The following MEMO1 variants were observed in gnomAD, a reference collection of about 807,000 sequenced individuals.
MEMO1 encodes mediator of cell motility 1, also known as protein MEMO1.
Under a neutral mutation model 45.2 loss-of-function variants are expected in MEMO1, and 6 were observed. The ratio of observed to expected loss-of-function variants is 0.13; its 90% CI spans 0.07 to 0.26. The LOEUF is 0.26. Ranked by LOEUF, MEMO1 falls within the 10% of genes least tolerant of loss-of-function variation. The pLI, the probability that MEMO1 is intolerant of heterozygous loss-of-function variation, is 1.00. For missense variants in MEMO1, 184 were observed against 370.5 expected (o/e 0.50, Z 4.13); for synonymous variants, 78 against 124.3 (o/e 0.63, Z 2.48).
chr2:31,919,475 G>C (rs1452825254), intron 5 of MEMO1, among the ~76,000 whole-genome samples: 1 of 151,912 alleles, frequency 6.6e-6, no homozygotes, highest in African/African-American at 2.4e-5. Context: ...TTCTATACAA[G>C]AAATTTCTGC....
chr2:31,982,718 T>C (rs138700058), intron 2 of MEMO1, among the ~76,000 whole-genome samples: 18 of 152,176 alleles, frequency 1.2e-4, no homozygotes, highest in African/African-American at 3.4e-4. Flanking sequence ...ACTTATACTC[T>C]AGCTGGTAAA....
At chr2:32,003,592 T>C (rs1422460027) in intron 2 of MEMO1, among the ~76,000 whole-genome samples, 1 of 152,182 alleles carries the variant, frequency 6.6e-6, no homozygotes, top group Admixed American at 6.5e-5. Context: ...AGCATACATA[T>C]GCTCAAATCA....
intron 7 of MEMO1, among the ~76,000 whole-genome samples, chr2:31,891,420 A>G (rs1676959992): frequency 6.6e-6 from 1 of 152,158 alleles, no homozygotes; most frequent in Admixed American, 6.6e-5. Context: ...CAATAATCAA[A>G]AAATCACTCA....
intron 8 of MEMO1, among the ~76,000 whole-genome samples, chr2:31,877,568 T>C (rs2147909916): frequency 6.6e-6 from 1 of 152,346 alleles, no homozygotes; most frequent in East Asian, 1.9e-4. Flanking sequence ...AAAACTATCA[T>C]GTAAAGTGAG....
At chr2:31,896,764 T>C (rs1677882322) in intron 6 of MEMO1, among the ~76,000 whole-genome samples, 1 of 152,190 alleles carries the variant, frequency 6.6e-6, no homozygotes. Flanking sequence ...ATCATATATC[T>C]AATAAGGAAT....
At chr2:31,873,650 A>G (rs1053769660) in intron 8 of MEMO1, among the ~76,000 whole-genome samples, 8 of 152,190 alleles carry the variant, frequency 5.3e-5, no homozygotes, top group Admixed American at 4.6e-4. Context: ...TTTTAGAGGC[A>G]CTTACGAAAT....
intron 2 of MEMO1, among the ~76,000 whole-genome samples, chr2:31,963,585 A>G (rs1219290200): frequency 6.6e-6 from 1 of 152,200 alleles, no homozygotes; most frequent in Admixed American, 6.5e-5. Flanking sequence ...GTGTGACCAA[A>G]TAGTCAAGGT....
rs112963427 is a variant in MEMO1, at chr2:31,885,257, C to G, written c.581-1795G>C. ...GCCTCAACCTCCCGAGTAGCTGGGA[C>G]TACAGGCATGTGCCACCACATCCAG... On this transcript the variant is annotated intron_variant, in intron 7 of 9. Transcript: ENST00000404530. Among the ~76,000 whole-genome samples, 956 of 152,182 alleles carry G rather than the reference C, an allele frequency of 6.3e-3. 14 individuals are homozygous for G. The highest frequency in any genetic ancestry group is 0.022 in the African/African-American group (901 of 41,544).
rs191943631 is a variant in MEMO1 at position 31,911,040 on chromosome 2, A to C, written c.437+6886T>G. 6.1e-5 allele frequency among the ~76,000 whole-genome samples: 9 copies of C among 146,648 alleles called. No homozygotes were observed. The East Asian group carries it at 1.4e-3, about 22-fold the overall frequency. On this transcript the variant is annotated intron_variant, in intron 6 of 9. Coordinates refer to ENST00000404530, the MANE Select transcript of MEMO1 (RefSeq NM_001301833.4). ...AGAAGGCAGGAAAAAAGTGGAAGACAAAAAAAAAGGGGGAGAAGATTGGCA... is the reference window on the plus strand; with the variant it reads ...AGAAGGCAGGAAAAAAGTGGAAGACCAAAAAAAAGGGGGAGAAGATTGGCA...
chr2:31,997,823 T>C (rs1429047869), intron 2 of MEMO1, among the ~76,000 whole-genome samples: 1 of 152,162 alleles, frequency 6.6e-6, no homozygotes, highest in Non-Finnish European at 1.5e-5. Flanking sequence ...TTATCGAATC[T>C]ACATTTTCAA....
chr2:31,925,475 C>CA lies in MEMO1; in HGVS notation c.213-4566dup, dbSNP rs70964741. 4.4e-3 allele frequency among the ~76,000 whole-genome samples: 349 copies of CA among 79,134 alleles called. 9 individuals are homozygous for CA. Among genetic ancestry groups the CA allele is most frequent in the African/African-American group, 0.015 (209 of 14,254 alleles). The allele number at this position is 79,134 out of a possible 152,430, so 51.9% of individuals were successfully genotyped here. On this transcript the variant is annotated intron_variant, in intron 4 of 9. Coordinates refer to ENST00000404530, the MANE Select transcript of MEMO1 (RefSeq NM_001301833.4). ...TGGGGGACAGAGCAAGACTCCGTCT[C>CA]AAAAAAAAAAAAAAAAAAAAAAAAT...
Position 31,983,134 on chromosome 2 carries a change from G to A in MEMO1, c.61+27053C>T, listed in dbSNP as rs372596148. Among the ~76,000 whole-genome samples, 30 of 151,822 alleles carry A rather than the reference G, an allele frequency of 2.0e-4. 1 individual carries two copies. In the East Asian group the frequency reaches 2.3e-3, roughly 12 times the overall value. ...AAATTAGCTGGGTGTGGTGATGGGCGCCTGTAGTCCCAGCTACTCGAGAGG... is the reference window on the plus strand; with the variant it reads ...AAATTAGCTGGGTGTGGTGATGGGCACCTGTAGTCCCAGCTACTCGAGAGG... On this transcript the variant is annotated intron_variant, in intron 2 of 9. Transcript: ENST00000404530.
chr2:31,987,055 G>A (rs1671349277), intron 2 of MEMO1, among the ~76,000 whole-genome samples: 1 of 152,202 alleles, frequency 6.6e-6, no homozygotes, highest in Admixed American at 6.5e-5. Context: ...CCAGGTTAGA[G>A]AGCACTGACA....
chr2:31,999,071 G>A (rs138775448), intron 2 of MEMO1, among the ~76,000 whole-genome samples: 14 of 152,048 alleles, frequency 9.2e-5, no homozygotes, highest in African/African-American at 1.9e-4. Flanking sequence ...TCTTTCTTTC[G>A]CACTCCATAC....
chr2:31,949,642 CAAAAAAAAAAA>C (rs549686329), intron 2 of MEMO1, among the ~76,000 whole-genome samples: 8 of 108,972 alleles, frequency 7.3e-5, no homozygotes, highest in African/African-American at 2.9e-4. Flanking sequence ...TTAATGGGTA[CAAAAAAAAAAA>C]AAAAAAAAAC....
intron 2 of MEMO1, among the ~76,000 whole-genome samples, chr2:31,962,292 G>C (rs1201397749): frequency 6.6e-6 from 1 of 152,134 alleles, no homozygotes; most frequent in Non-Finnish European, 1.5e-5. Flanking sequence ...AGAAGGCTGA[G>C]GTAGGAGAAT....
In MEMO1 at chr2:31,891,984, G is replaced by A. The variant is rs763176876; in HGVS notation, c.580+8C>T. On this transcript the variant is annotated splice_region_variant and intron_variant, in intron 7 of 9. Coordinates refer to ENST00000404530, the MANE Select transcript of MEMO1 (RefSeq NM_001301833.4). ...ATCTACCATGATATGTTAAAATCTA[G>A]AACTTACCCCAATGGCAGAAATCAG... 4.4e-6 allele frequency: 7 copies of A among 1,609,174 alleles called. No homozygotes were observed. The South Asian group carries it at 5.5e-5, about 13-fold the overall frequency.
intron 4 of MEMO1, among the ~76,000 whole-genome samples, chr2:31,925,493 A>AAAAAAAAAAAAC: frequency 7.3e-6 from 1 of 136,618 alleles, no homozygotes; most frequent in Non-Finnish European, 1.6e-5. Context: ...AAAAAAAAAA[A>AAAAAAAAAAAAC]AAAAAATCTG....
intron 9 of MEMO1, among the ~76,000 whole-genome samples, chr2:31,868,963 A>C (rs1673272697): frequency 6.6e-6 from 1 of 152,172 alleles, no homozygotes; most frequent in Non-Finnish European, 1.5e-5. Context: ...TATAATACAA[A>C]TTTTATTTGA....
Sources: allele counts gnomAD v4.1 joint callset (sites outside exome capture counted in the v4.1 genomes callset), GRCh38; gene constraint gnomAD v4.1.1; transcripts MANE v1.5; gene names NCBI Gene and HGNC (gene_info 2026-07-23, HGNC 2026-07-21).